The following ANKFN1 variants were observed in gnomAD, a reference collection of about 807,000 sequenced individuals.
The protein encoded by ANKFN1 is ankyrin repeat and fibronectin type III domain containing 1.
In ANKFN1, 74 loss-of-function variants were observed where a neutral mutation model predicts 108.7. The ratio of observed to expected loss-of-function variants is 0.68; its 90% CI spans 0.56 to 0.83. ANKFN1 has a LOEUF of 0.83. ANKFN1 is among the 40% of genes least tolerant of loss of function. The probability of loss-of-function intolerance (pLI) is 0.00; values close to 1 mark genes in which losing one functional copy is unlikely to be tolerated. For missense variants in ANKFN1, 1,505 were observed against 1,382.3 expected (o/e 1.09, Z -1.41); for synonymous variants, 547 against 516.2 (o/e 1.06, Z -0.81).
intron 8 of ANKFN1, among the ~76,000 whole-genome samples, chr17:56,424,766 G>A (rs899632198): frequency 2.0e-5 from 3 of 152,190 alleles, no homozygotes; most frequent in South Asian, 2.1e-4. Context: ...GGAAATAACA[G>A]TTTCAGCAGC....
At chr17:56,488,094 G>T (rs1045724564) in intron 18 of ANKFN1, among the ~76,000 whole-genome samples, 2 of 152,188 alleles carry the variant, frequency 1.3e-5, no homozygotes, top group African/African-American at 4.8e-5. Flanking sequence ...TTTAAGAAAA[G>T]GGATGATGTG....
At chr17:56,289,042 C>G (rs1032709331) in intron 3 of ANKFN1, among the ~76,000 whole-genome samples, 1 of 152,116 alleles carries the variant, frequency 6.6e-6, no homozygotes, top group Non-Finnish European at 1.5e-5. Flanking sequence ...GGAAAGAAAC[C>G]CACTCAACCT....
At chr17:56,257,030 G>T (rs2144095619) in intron 3 of ANKFN1, among the ~76,000 whole-genome samples, 1 of 152,328 alleles carries the variant, frequency 6.6e-6, no homozygotes, top group East Asian at 1.9e-4. Context: ...CCTTAGTGAA[G>T]TCACTTAACT....
chr17:56,177,043 C>T (rs922480878), intron 1 of ANKFN1, among the ~76,000 whole-genome samples: 7 of 152,172 alleles, frequency 4.6e-5, no homozygotes, highest in African/African-American at 1.7e-4. Context: ...CCAACTTTGC[C>T]CTCCTTGACT....
At chr17:56,102,963 G>A (rs1905675641) in intron 4 of ANKFN1, among the ~76,000 whole-genome samples, 1 of 152,160 alleles carries the variant, frequency 6.6e-6, no homozygotes, top group African/African-American at 2.4e-5. Flanking sequence ...TGAGAAACAT[G>A]GATGTTTGAT....
chr17:56,466,201 A>C (rs1440424745), intron 14 of ANKFN1, among the ~76,000 whole-genome samples, 155 bp from the exon 15 acceptor site: 1 of 151,834 alleles, frequency 6.6e-6, no homozygotes, highest in Non-Finnish European at 1.5e-5. Context: ...GTACATGTCT[A>C]TGATGCCATA....
At position 56,511,054 on chromosome 17, in the gene ANKFN1, C is replaced by A. The variant is rs1003889197; in HGVS notation, c.3226C>A (p.Arg1076=). ...CCACGCTGCCAGCCTTCCTGAGGAG[C>A]GGAACAGCAGTCTCCAGGACGCGAG... The part of the protein sequence containing the change: ...LAHAASLPEE[R]NSSLQDARPS... The change falls in exon 21 of 21, where the codon CGG becomes AGG. Residue 1076 remains arginine, a synonymous_variant. Coordinates refer to ENST00000682825, the MANE Select transcript of ANKFN1 (RefSeq NM_001370326.1). 6.5e-7 allele frequency: 1 copy of A among 1,536,008 alleles called. No homozygotes were observed.
At chr17:56,263,405 A>C (rs2043571236) in intron 3 of ANKFN1, among the ~76,000 whole-genome samples, 1 of 152,234 alleles carries the variant, frequency 6.6e-6, no homozygotes, top group Non-Finnish European at 1.5e-5. Flanking sequence ...TACAATATAC[A>C]AACATTTTTG....
intron 17 of ANKFN1, among the ~76,000 whole-genome samples, chr17:56,481,890 CTT>C (rs775298547): frequency 7.2e-5 from 11 of 151,940 alleles, no homozygotes; most frequent in Non-Finnish European, 1.5e-4. Flanking sequence ...ATTGGTGACT[CTT>C]GGGCTACATA....
intron 1 of ANKFN1, among the ~76,000 whole-genome samples, chr17:56,164,650 C>A (rs1006286892): frequency 1.3e-5 from 2 of 152,158 alleles, no homozygotes; most frequent in African/African-American, 4.8e-5. Flanking sequence ...ATAGCAAAGT[C>A]TTTTTAACAC....
intron 3 of ANKFN1, among the ~76,000 whole-genome samples, chr17:56,247,475 G>C (rs1286902977): frequency 6.6e-6 from 1 of 152,196 alleles, no homozygotes; most frequent in East Asian, 1.9e-4. Context: ...AAATACTTCA[G>C]AGTGATGCAA....
At chr17:56,442,704 TGAACTCTGTTGCATGG>T in intron 9 of ANKFN1, 123 bp from the exon 10 acceptor site, 7 of 628,224 alleles carry the variant, frequency 1.1e-5, no homozygotes, top group African/African-American at 1.9e-5. Flanking sequence ...CTGTTGCCCA[TGAACTCTGTTGCATGG>T]GCAACAGAGT....
intron 6 of ANKFN1, among the ~76,000 whole-genome samples, chr17:56,359,561 A>G (rs2046460187): frequency 6.6e-6 from 1 of 152,148 alleles, no homozygotes; most frequent in South Asian, 2.1e-4. Context: ...CTGCCTGTGG[A>G]ACTAGAAAGT....
At chr17:56,177,135 G>A (rs1299237786) in intron 1 of ANKFN1, among the ~76,000 whole-genome samples, 2 of 152,140 alleles carry the variant, frequency 1.3e-5, no homozygotes, top group Non-Finnish European at 2.9e-5. Flanking sequence ...CATGATTCCA[G>A]CCTGACCGGC....
intron 4 of ANKFN1, among the ~76,000 whole-genome samples, chr17:56,143,780 C>T (rs936165550): frequency 2.6e-5 from 4 of 151,982 alleles, no homozygotes; most frequent in Non-Finnish European, 5.9e-5. Flanking sequence ...CAAGTGAAGC[C>T]GAACACAGAG....
At chr17:56,124,779 GATT>G (rs1165511232) in intron 4 of ANKFN1, among the ~76,000 whole-genome samples, 1 of 152,162 alleles carries the variant, frequency 6.6e-6, no homozygotes, top group Non-Finnish European at 1.5e-5. Context: ...CTGCCTTTGG[GATT>G]ATTCATTTGC....
At chr17:56,102,115 T>C (rs1905659374) in intron 4 of ANKFN1, among the ~76,000 whole-genome samples, 1 of 152,196 alleles carries the variant, frequency 6.6e-6, no homozygotes, top group Admixed American at 6.5e-5. Flanking sequence ...CATATACTAG[T>C]GAAGCCACAT....
At chr17:56,177,105 C>T (rs896048290) in intron 1 of ANKFN1, among the ~76,000 whole-genome samples, 1 of 152,142 alleles carries the variant, frequency 6.6e-6, no homozygotes, top group African/African-American at 2.4e-5. Context: ...CCCCCCTGCC[C>T]TTTTCTCCTT....
At chr17:56,461,367 A>C (rs1233280634) in intron 14 of ANKFN1, among the ~76,000 whole-genome samples, 4 of 152,092 alleles carry the variant, frequency 2.6e-5, no homozygotes, top group Admixed American at 6.5e-5. Context: ...CATTTTATAC[A>C]CTTGGTTCCA....
Sources: gnomAD v4.1 joint callset for allele counts (sites outside exome capture counted in the v4.1 genomes callset) on GRCh38, gnomAD v4.1.1 for gene constraint, MANE v1.5 for transcripts, NCBI Gene and HGNC (gene_info 2026-07-23, HGNC 2026-07-21) for gene names.